The following COL21A1 variants were observed in gnomAD, a reference collection of about 807,000 sequenced individuals.
The protein encoded by COL21A1 is collagen alpha-1(XXI) chain.
Under a neutral mutation model 137.9 loss-of-function variants are expected in COL21A1, and 149 were observed. That is an observed-to-expected ratio of 1.08 (90% confidence interval 0.95 to 1.24). The LOEUF (loss-of-function observed/expected upper bound fraction) is 1.24, where lower values mean the gene tolerates loss of function less well. Among genes scored for constraint, COL21A1 ranks in the 50% most tolerant of loss-of-function variants. The pLI is 0.00. For synonymous variants in COL21A1, 456 were observed against 391.5 expected (o/e 1.16, Z -1.95); for missense variants, 1,167 against 1,158.4 (o/e 1.01, Z -0.11).
intron 9 of COL21A1, among the ~76,000 whole-genome samples, chr6:56,163,559 A>G (rs1047265523): frequency 9.2e-5 from 14 of 152,170 alleles, no homozygotes; most frequent in Non-Finnish European, 1.3e-4. Context: ...AATACAAAAA[A>G]TTAGCCGGGC....
At chr6:56,102,263 C>T (rs1770526602) in intron 16 of COL21A1, among the ~76,000 whole-genome samples, 1 of 151,998 alleles carries the variant, frequency 6.6e-6, no homozygotes, top group African/African-American at 2.4e-5. Context: ...CAGATTAGTA[C>T]AACTATTAAA....
At chr6:56,059,272 T>C in intron 28 of COL21A1, 30 bp from the exon 29 acceptor site, 1 of 1,482,566 alleles carries the variant, frequency 6.7e-7, no homozygotes, top group Non-Finnish European at 9.2e-7. Context: ...TGAGTAAGTT[T>C]ACTTAAAATC....
At chr6:56,280,692 C>G (rs72877995) in intron 1 of COL21A1, among the ~76,000 whole-genome samples, 2,632 of 152,272 alleles carry the variant, frequency 0.017, 30 homozygotes, top group South Asian at 0.024. Context: ...CTTTACAGAT[C>G]AGGAAACTGA....
At chr6:56,303,978 T>C (rs1764369558) in intron 1 of COL21A1, among the ~76,000 whole-genome samples, 1 of 152,222 alleles carries the variant, frequency 6.6e-6, no homozygotes, top group Non-Finnish European at 1.5e-5. Flanking sequence ...TTTCTGCATC[T>C]GTTGAGAGAA....
At chr6:56,364,070 T>C (rs1766042605) in intron 1 of COL21A1, among the ~76,000 whole-genome samples, 1 of 152,346 alleles carries the variant, frequency 6.6e-6, no homozygotes, top group African/African-American at 2.4e-5. Context: ...ATGAGTGTTG[T>C]GTGATTTCAT....
chr6:56,305,340 G>A (rs993295789), intron 1 of COL21A1, among the ~76,000 whole-genome samples: 6 of 152,142 alleles, frequency 3.9e-5, no homozygotes, highest in Non-Finnish European at 8.8e-5. Context: ...GGGTGTTAAA[G>A]TCTCCCATGA....
intron 17 of COL21A1, among the ~76,000 whole-genome samples, chr6:56,084,185 T>C (rs1418620481): frequency 6.6e-6 from 1 of 151,516 alleles, no homozygotes. Flanking sequence ...GATATATCCC[T>C]TGGGGAAAAT....
At chr6:56,092,429 C>CA (rs1768930177) in intron 17 of COL21A1, among the ~76,000 whole-genome samples, 1 of 151,954 alleles carries the variant, frequency 6.6e-6, no homozygotes, top group South Asian at 2.1e-4. Flanking sequence ...TTAATTGCTT[C>CA]AAATTTACAA....
chr6:56,104,996 T>C (rs916539627), intron 16 of COL21A1, among the ~76,000 whole-genome samples: 5 of 152,340 alleles, frequency 3.3e-5, no homozygotes, highest in African/African-American at 9.6e-5. Flanking sequence ...ACACTTTATT[T>C]TGACTTTGAT....
chr6:56,307,873 CTTTAAT>C (rs1003772995), intron 1 of COL21A1, among the ~76,000 whole-genome samples: 98 of 152,296 alleles, frequency 6.4e-4, no homozygotes, highest in Middle Eastern at 3.4e-3. Flanking sequence ...TCCACCCCCT[CTTTAAT>C]TTTAATTTTA....
At chr6:56,101,651 G>T (rs907358108) in intron 16 of COL21A1, 126 bp from the exon 17 acceptor site, 1 of 693,946 alleles carries the variant, frequency 1.4e-6, no homozygotes, top group Non-Finnish European at 2.4e-6. Context: ...ATTACTTCTG[G>T]ACTACTGATA....
Position 56,077,575 on chromosome 6 carries a change from TA to T in COL21A1, c.1813-3del. On this transcript the variant is annotated splice_region_variant and splice_polypyrimidine_tract_variant and intron_variant, in intron 17 of 29. Transcript: ENST00000244728. The stretch of plus-strand genomic sequence containing the variant: ...GTTTCCAGGAAATCCTGGGATTCCC[TA>T]AAAACAAATAAAATAGATTTTTAAC... The T allele has an allele frequency of 6.5e-7, 1 of 1,535,676 alleles. No individual in the cohort carries two copies.
chr6:56,370,370 A>C (rs1766209863), intron 1 of COL21A1, among the ~76,000 whole-genome samples: 1 of 152,208 alleles, frequency 6.6e-6, no homozygotes, highest in Non-Finnish European at 1.5e-5. Context: ...CCTCTCTGTA[A>C]AATGTGAGAT....
intron 17 of COL21A1, among the ~76,000 whole-genome samples, chr6:56,100,284 C>A (rs1431349129): frequency 6.6e-6 from 1 of 152,146 alleles, no homozygotes; most frequent in Non-Finnish European, 1.5e-5. Context: ...CTGGCACAAA[C>A]CCTTGGTAAA....
chr6:56,372,603 A>C (rs182971621), intron 1 of COL21A1, among the ~76,000 whole-genome samples: 1 of 152,240 alleles, frequency 6.6e-6, no homozygotes, highest in Non-Finnish European at 1.5e-5. Context: ...ATAAGGGAGT[A>C]TGTAACTAAA....
chr6:56,194,206 T>G lies in COL21A1; in HGVS notation c.-38-11550A>C, dbSNP rs911791822. Among the ~76,000 whole-genome samples the G allele has an allele frequency of 3.9e-5, 6 of 152,238 alleles. No homozygotes were observed. The East Asian group carries it at 5.8e-4, about 15-fold the overall frequency. On this transcript the variant is annotated intron_variant, in intron 1 of 29. Coordinates refer to ENST00000244728, the MANE Select transcript of COL21A1 (RefSeq NM_030820.4). ...TTATATGTAATTCATTCAGATTTTT[T>G]GGGCAAAGTTAATTCCCTGATGTTA...
chr6:56,098,426 T>TAC (rs1769893873), intron 17 of COL21A1, among the ~76,000 whole-genome samples: 1 of 7,612 alleles, frequency 1.3e-4, no homozygotes, highest in African/African-American at 8.2e-4. Flanking sequence ...TATATAAATA[T>TAC]ATAAATATAT....
intron 14 of COL21A1, among the ~76,000 whole-genome samples, chr6:56,124,630 T>TGTTTG (rs1554140095): frequency 4.1e-4 from 62 of 150,682 alleles, no homozygotes; most frequent in African/African-American, 1.5e-3. Context: ...TGGACATGTT[T>TGTTTG]TTTGTTTGTT....
chr6:56,179,978 T>C lies in COL21A1; in HGVS notation c.240A>G (p.Gln80=), dbSNP rs1206930125. ...GPKFIQVGVV[Q]YSDYPVLEIP... is the part of the protein sequence containing the mutation. Reference sequence around the variant, plus strand: ...TCTCCAGCACAGGGTAGTCACTATATTGAACCACTCCAACTTGAATAAACT... The same window carrying C: ...TCTCCAGCACAGGGTAGTCACTATACTGAACCACTCCAACTTGAATAAACT... Residue 80 remains glutamine, a synonymous_variant, in exon 3 of 30, where the codon CAA becomes CAG. Transcript: ENST00000244728. 3.1e-6 allele frequency: 5 copies of C among 1,613,968 alleles called. No individual in the cohort carries two copies. The highest frequency in any genetic ancestry group is 2.2e-5 in the South Asian group (2 of 91,088).
Sources: allele counts gnomAD v4.1 joint callset (sites outside exome capture counted in the v4.1 genomes callset), GRCh38; gene constraint gnomAD v4.1.1; transcripts MANE v1.5; gene names NCBI Gene and HGNC (gene_info 2026-07-23, HGNC 2026-07-21).